The following CPAMD8 variants were observed in gnomAD, a reference collection of about 807,000 sequenced individuals.
CPAMD8 encodes the protein C3 and PZP-like alpha-2-macroglobulin domain-containing protein 8.
CPAMD8 carries 146 observed loss-of-function variants against 224.7 expected under a neutral mutation model. The observed-to-expected ratio is 0.65, with a 90% CI of 0.57 to 0.75. CPAMD8 has a LOEUF of 0.75. CPAMD8 is among the 30% of genes least tolerant of loss of function. The pLI, the probability that CPAMD8 is intolerant of heterozygous loss-of-function variation, is 0.00. For missense variants in CPAMD8, 2,301 were observed against 2,537.5 expected, an observed-to-expected ratio of 0.91 and a Z score of 2.00; for synonymous variants, 966 against 1,044.6, an observed-to-expected ratio of 0.92 and a Z score of 1.45.
At chr19:16,975,979 C>A (rs756101250) in intron 16 of CPAMD8, 23 bp downstream of exon 16, 1 of 1,545,944 alleles carries the variant, frequency 6.5e-7, no homozygotes, top group Non-Finnish European at 8.7e-7. Flanking sequence ...GGTCTAGAAC[C>A]CAAGCCCGAG....
intron 23 of CPAMD8, among the ~76,000 whole-genome samples, chr19:16,930,124 A>C (rs1280418180): frequency 2.0e-5 from 3 of 152,074 alleles, no homozygotes; most frequent in Admixed American, 1.3e-4. Flanking sequence ...GCGTGGGGGT[A>C]GGTGCCTGTA....
Position 17,011,486 on chromosome 19 carries a change from T to A in CPAMD8, c.464A>T (p.Asn155Ile), listed in dbSNP as rs747543608. ...VLISIFTVSPNLRPVNEKLEA... is the reference protein window; with the variant it reads ...VLISIFTVSPILRPVNEKLEA... ...CACCTTCTCGTTGACAGGCCTCAGA[T>A]TTGGAGAGACGGTGAAGATGCTTAT... Residue 155 changes from asparagine to isoleucine, a missense_variant, in exon 5 of 42, where the codon AAT becomes ATT. By Grantham distance (149) the Asn-to-Ile change is moderately radical (BLOSUM62 -3). Coordinates refer to ENST00000443236, the MANE Select transcript of CPAMD8 (RefSeq NM_015692.5). 2.9e-5 allele frequency: 46 copies of A among 1,613,972 alleles called. No homozygotes were observed. Among genetic ancestry groups the A allele is most frequent in the Non-Finnish European group, 3.3e-5 (39 of 1,180,002 alleles).
At chr19:16,989,871 CA>C (rs2055878780) in intron 12 of CPAMD8, 100 bp from the exon 13 acceptor site, 3 of 1,142,254 alleles carry the variant, frequency 2.6e-6, no homozygotes, top group Middle Eastern at 1.9e-4. Flanking sequence ...AACACCCTCT[CA>C]TGCTCCAATA....
intron 10 of CPAMD8, among the ~76,000 whole-genome samples, chr19:16,998,879 G>C (rs1361830985): frequency 6.6e-6 from 1 of 152,104 alleles, no homozygotes; most frequent in Non-Finnish European, 1.5e-5. Flanking sequence ...CTTGCACAGG[G>C]ATGTTCATAG....
At chr19:16,932,325 G>A (rs1357917231) in intron 23 of CPAMD8, among the ~76,000 whole-genome samples, 1 of 152,124 alleles carries the variant, frequency 6.6e-6, no homozygotes, top group Admixed American at 6.6e-5. Context: ...GGGGTCTGAG[G>A]TGGGAGGATC....
chr19:16,948,926 GT>G, intron 20 of CPAMD8, among the ~76,000 whole-genome samples: 1 of 102,328 alleles, frequency 9.8e-6, no homozygotes, highest in Non-Finnish European at 2.1e-5. Flanking sequence ...AGGAAGGGGA[GT>G]GGAGGGGAGA....
chr19:16,920,518 G>A (rs185421360), intron 27 of CPAMD8, among the ~76,000 whole-genome samples: 3 of 151,576 alleles, frequency 2.0e-5, no homozygotes, highest in East Asian at 2.0e-4. Flanking sequence ...TCTTGCTCAT[G>A]CTGAGAGTTT....
chr19:17,007,597 C>A (rs898753071), intron 7 of CPAMD8, among the ~76,000 whole-genome samples: 1 of 152,082 alleles, frequency 6.6e-6, no homozygotes, highest in Admixed American at 6.6e-5. Context: ...CACCAACAGA[C>A]CCCCGTGATC....
intron 21 of CPAMD8, 112 bp downstream of exon 21, chr19:16,946,962 G>C (rs897625932): frequency 7.6e-6 from 9 of 1,180,306 alleles, no homozygotes; most frequent in Admixed American, 2.3e-5. Flanking sequence ...CCTTGGGACA[G>C]TCCTGACCTT....
At chr19:16,920,855 CAAAAAAAAAAAA>C (rs200039066) in intron 27 of CPAMD8, among the ~76,000 whole-genome samples, 73,216 of 119,870 alleles carry the variant, frequency 0.61, 20,164 homozygotes, top group Non-Finnish European at 0.67. Flanking sequence ...GACTCTATCT[CAAAAAAAAAAAA>C]AAAAAAAAAA....
chr19:17,008,655 A>C (rs1251182015), intron 6 of CPAMD8, 96 bp from the exon 7 acceptor site: 2 of 1,324,462 alleles, frequency 1.5e-6, no homozygotes, highest in African/African-American at 1.5e-5. Context: ...TCTCTTGGGC[A>C]TGTCAACCAT....
chr19:16,893,689 G>C (rs1599633774), intron 41 of CPAMD8: 2 of 235,340 alleles, frequency 8.5e-6, no homozygotes, highest in East Asian at 1.6e-4. Flanking sequence ...GGGGCCCTGG[G>C]AGTGGGCTGG....
At position 16,969,066 on chromosome 19, in the gene CPAMD8, G is replaced by A. The variant is rs562772312; in HGVS notation, c.2213+1825C>T. Among the ~76,000 whole-genome samples, 8 of 152,294 alleles carry A rather than the reference G, an allele frequency of 5.3e-5. No individual in the cohort carries two copies. In the South Asian group the frequency reaches 1.7e-3, roughly 32 times the overall value. ...AGGGAAGGATGAGAGGAAGGAGAAAGGACAAAATAAAGAACTCTCTAAACA... is the reference window on the plus strand; with the variant it reads ...AGGGAAGGATGAGAGGAAGGAGAAAAGACAAAATAAAGAACTCTCTAAACA... On this transcript the variant is annotated intron_variant, in intron 18 of 41. Coordinates refer to ENST00000443236, the MANE Select transcript of CPAMD8 (RefSeq NM_015692.5).
intron 11 of CPAMD8, 63 bp downstream of exon 11, chr19:16,997,048 G>T: frequency 1.0e-6 from 1 of 987,650 alleles, no homozygotes; most frequent in Non-Finnish European, 1.6e-6. Context: ...AGAGCTAGTG[G>T]CTAGTGGTGG....
intron 22 of CPAMD8, 57 bp from the exon 23 acceptor site, chr19:16,938,503 TCAGCGGAGCAGCTGGCTCTCCCA>T: frequency 1.0e-6 from 1 of 969,722 alleles, no homozygotes; most frequent in Non-Finnish European, 1.6e-6. Context: ...GATGGTCAGC[TCAGCGGAGCAGCTGGCTCTCCCA>T]CAGCAATGAC....
Position 16,939,149 on chromosome 19 carries a change from T to TTTTATTTA in CPAMD8, c.2794-711_2794-704dup, listed in dbSNP as rs35025434. ...CCCCTTTCCCCATTAGGATGGTCAA[T>TTTTATTTA]TTTATTTATTTATTTATTTATTTAT... On this transcript the variant is annotated intron_variant, in intron 22 of 41. Transcript: ENST00000443236. 6.1e-3 allele frequency among the ~76,000 whole-genome samples: 891 copies of TTTTATTTA among 146,890 alleles called. 9 individuals carry two copies. Among genetic ancestry groups the TTTTATTTA allele is most frequent in the Middle Eastern group, 0.028 (8 of 286 alleles).
intron 29 of CPAMD8, among the ~76,000 whole-genome samples, chr19:16,909,681 T>C (rs918873965): frequency 6.6e-6 from 1 of 150,390 alleles, no homozygotes; most frequent in African/African-American, 2.4e-5. Context: ...GAGGCAGAGG[T>C]TGCAGTGAAC....
chr19:16,997,034 C>T, intron 11 of CPAMD8, 77 bp downstream of exon 11: 1 of 910,242 alleles, frequency 1.1e-6, no homozygotes, highest in Admixed American at 1.8e-5. Flanking sequence ...TGAGTCACCA[C>T]TGCAGAGCTA....
At chr19:17,022,353 G>A (rs1483120220) in intron 1 of CPAMD8, among the ~76,000 whole-genome samples, 172 bp from the exon 2 acceptor site, 2 of 152,170 alleles carry the variant, frequency 1.3e-5, no homozygotes. Context: ...TGAGTCCATG[G>A]ATTGGCTCTT....
Sources: allele counts gnomAD v4.1 joint callset (sites outside exome capture counted in the v4.1 genomes callset), GRCh38; gene constraint gnomAD v4.1.1; transcripts MANE v1.5; gene names NCBI Gene and HGNC (gene_info 2026-07-23, HGNC 2026-07-21).